GBE1: variants seen among roughly 807,000 people sequenced by gnomAD.
The protein encoded by GBE1 is 1,4-alpha-glucan-branching enzyme.
GBE1 carries 70 observed loss-of-function variants against 88.8 expected under a neutral mutation model. That is an observed-to-expected ratio of 0.79 (90% CI 0.65 to 0.96). The LOEUF is 0.96. Among genes scored for constraint, GBE1 ranks in the 40% least tolerant of loss-of-function variants. The probability of loss-of-function intolerance (pLI) is 0.00; values close to 1 mark genes in which losing one functional copy is unlikely to be tolerated. For synonymous variants in GBE1, 284 were observed against 300.1 expected, an observed-to-expected ratio of 0.95 and a Z score of 0.56; for missense variants, 872 against 871.0, an observed-to-expected ratio of 1.00 and a Z score of -0.01.
intron 1 of GBE1, among the ~76,000 whole-genome samples, chr3:81,718,259 C>T (rs1020197779): frequency 2.0e-5 from 3 of 151,928 alleles, no homozygotes; most frequent in Admixed American, 6.6e-5. Context: ...GGATTACAGG[C>T]GTGAGCCACT....
chr3:81,619,350 A>G (rs990545876), intron 7 of GBE1, among the ~76,000 whole-genome samples: 1 of 152,164 alleles, frequency 6.6e-6, no homozygotes, highest in African/African-American at 2.4e-5. Context: ...TAGATGGAAC[A>G]AAATGGTTTT....
At chr3:81,561,537 G>A (rs547082502) in intron 12 of GBE1, among the ~76,000 whole-genome samples, 11 of 151,884 alleles carry the variant, frequency 7.2e-5, no homozygotes, top group Admixed American at 6.6e-4. Context: ...CCAGAGTGGC[G>A]GTATATAAAA....
chr3:81,746,619 G>T (rs1228199520), intron 1 of GBE1, among the ~76,000 whole-genome samples: 1 of 152,008 alleles, frequency 6.6e-6, no homozygotes, highest in Non-Finnish European at 1.5e-5. Flanking sequence ...AAATTAAAAT[G>T]ATAACCACTA....
intron 7 of GBE1, among the ~76,000 whole-genome samples, chr3:81,605,282 C>A (rs1182976207): frequency 6.6e-6 from 1 of 152,114 alleles, no homozygotes; most frequent in Non-Finnish European, 1.5e-5. Context: ...ACAATCTACC[C>A]ATATTGCTCT....
At chr3:81,545,848 C>T (rs552027925) in intron 12 of GBE1, among the ~76,000 whole-genome samples, 34 of 152,262 alleles carry the variant, frequency 2.2e-4, no homozygotes, top group South Asian at 2.1e-3. Flanking sequence ...TGAATCATCA[C>T]TTTGCCCAGC....
rs537259087 is a variant in GBE1, at chr3:81,536,008, C to T, written c.1804-683G>A. 4.6e-5 allele frequency among the ~76,000 whole-genome samples: 7 copies of T among 152,020 alleles called. No individual in the cohort carries two copies. The East Asian group carries it at 5.8e-4, about 13-fold the overall frequency. ...GAGAGGACTTATTGCCATGCATACC[C>T]GCAGCACCACTCTTGGTAATTTAGA... On this transcript the variant is annotated intron_variant, in intron 13 of 15. Transcript: ENST00000429644.
At chr3:81,517,368 A>T (rs1702810611) in intron 14 of GBE1, among the ~76,000 whole-genome samples, 1 of 151,482 alleles carries the variant, frequency 6.6e-6, no homozygotes, top group Non-Finnish European at 1.5e-5. Flanking sequence ...TTGCACACTT[A>T]TTAGACTACA....
At chr3:81,723,996 G>A (rs1047350711) in intron 1 of GBE1, among the ~76,000 whole-genome samples, 17 of 152,122 alleles carry the variant, frequency 1.1e-4, no homozygotes, top group Non-Finnish European at 1.8e-4. Flanking sequence ...TCTAATCCTT[G>A]GAAAACACAA....
At chr3:81,675,839 T>C (rs1336672519) in intron 2 of GBE1, among the ~76,000 whole-genome samples, 2 of 152,098 alleles carry the variant, frequency 1.3e-5, no homozygotes, top group Non-Finnish European at 2.9e-5. Context: ...AAACATTTGA[T>C]GTTTATCAAG....
At chr3:81,662,283 C>T (rs1256609972) in intron 3 of GBE1, among the ~76,000 whole-genome samples, 2 of 152,170 alleles carry the variant, frequency 1.3e-5, no homozygotes, top group African/African-American at 2.4e-5. Flanking sequence ...CCACCCGCCT[C>T]GGCTTCCCAA....
intron 10 of GBE1, among the ~76,000 whole-genome samples, chr3:81,582,125 T>C (rs1207949354): frequency 6.6e-6 from 1 of 152,066 alleles, no homozygotes. Context: ...TTACTCTCCC[T>C]CTTTAATTCA....
intron 12 of GBE1, among the ~76,000 whole-genome samples, chr3:81,573,460 T>G (rs1184370925): frequency 6.6e-6 from 1 of 152,232 alleles, no homozygotes; most frequent in African/African-American, 2.4e-5. Flanking sequence ...CATTTTCTGC[T>G]TATCTGTATC....
At chr3:81,501,234 AAAC>A (rs1702582526) in intron 14 of GBE1, among the ~76,000 whole-genome samples, 1 of 152,250 alleles carries the variant, frequency 6.6e-6, no homozygotes, top group Non-Finnish European at 1.5e-5. Context: ...AATTGTGGGA[AAAC>A]AACGAGGAAA....
intron 1 of GBE1, among the ~76,000 whole-genome samples, chr3:81,709,460 G>C (rs1705824225): frequency 3.9e-5 from 6 of 151,958 alleles, no homozygotes; most frequent in Admixed American, 3.9e-4. Flanking sequence ...ACTGAACTTA[G>C]GGTAAAAAAT....
intron 2 of GBE1, among the ~76,000 whole-genome samples, chr3:81,701,610 G>A (rs1334820842): frequency 1.3e-5 from 2 of 151,806 alleles, no homozygotes; most frequent in African/African-American, 4.8e-5. Flanking sequence ...GAGCAAACCA[G>A]TCAGGCAGTT....
intron 2 of GBE1, among the ~76,000 whole-genome samples, chr3:81,693,292 G>T (rs912763260): frequency 1.3e-5 from 2 of 151,990 alleles, no homozygotes; most frequent in African/African-American, 4.8e-5. Context: ...GGAGTATATT[G>T]TTTATAATTA....
chr3:81,655,348 T>C (rs1704919143), intron 3 of GBE1, among the ~76,000 whole-genome samples: 1 of 152,044 alleles, frequency 6.6e-6, no homozygotes, highest in African/African-American at 2.4e-5. Flanking sequence ...ACCCGGCCTA[T>C]AATTAATTTT....
chr3:81,660,482 A>C (rs546670202), intron 3 of GBE1, among the ~76,000 whole-genome samples: 4 of 152,332 alleles, frequency 2.6e-5, no homozygotes, highest in African/African-American at 9.6e-5. Context: ...TGAATAAACT[A>C]GTGAATATAA....
intron 11 of GBE1, among the ~76,000 whole-genome samples, chr3:81,580,387 C>A (rs1703709493): frequency 6.6e-6 from 1 of 152,066 alleles, no homozygotes; most frequent in African/African-American, 2.4e-5. Flanking sequence ...TTTTTCCCTA[C>A]ATGACCCAAG....
Sources: allele counts gnomAD v4.1 joint callset (sites outside exome capture counted in the v4.1 genomes callset), GRCh38; gene constraint gnomAD v4.1.1; transcripts MANE v1.5; gene names NCBI Gene and HGNC (gene_info 2026-07-23, HGNC 2026-07-21).